Variants in MAN1C1 observed in about 807,000 individuals in gnomAD.
MAN1C1 encodes mannosyl-oligosaccharide 1,2-alpha-mannosidase IC.
A neutral mutation model predicts 71.5 loss-of-function variants in MAN1C1; 49 were observed. That is an observed-to-expected ratio of 0.69 (90% confidence interval 0.54 to 0.87). The LOEUF (loss-of-function observed/expected upper bound fraction) is 0.87. Among genes scored for constraint, MAN1C1 ranks in the 40% least tolerant of loss-of-function variants. The pLI is 0.00. For synonymous variants in MAN1C1, 352 were observed against 343.7 expected (o/e 1.02, Z -0.27); for missense variants, 743 against 835.0 (o/e 0.89, Z 1.36).
intron 2 of MAN1C1, among the ~76,000 whole-genome samples, chr1:25,695,911 G>T (rs1395049984): frequency 3.3e-5 from 5 of 152,206 alleles, no homozygotes; most frequent in African/African-American, 1.2e-4. Flanking sequence ...GTGACTGCTG[G>T]TTGGTTACTA....
chr1:25,689,583 G>A (rs1037507325), intron 2 of MAN1C1, among the ~76,000 whole-genome samples: 1 of 152,202 alleles, frequency 6.6e-6, no homozygotes, highest in Admixed American at 6.5e-5. Context: ...AGGGGTTCTA[G>A]TTGGGGTGAA....
intron 1 of MAN1C1, among the ~76,000 whole-genome samples, chr1:25,632,891 C>T (rs1458768512): frequency 7.4e-5 from 9 of 121,604 alleles, no homozygotes; most frequent in South Asian, 2.6e-4. Context: ...TTTTTTGAGA[C>T]GGAGTCTTGC....
intron 2 of MAN1C1, among the ~76,000 whole-genome samples, chr1:25,743,314 G>A (rs759797585): frequency 1.8e-4 from 27 of 152,328 alleles, no homozygotes; most frequent in Non-Finnish European, 2.9e-4. Context: ...CATGGAGCCC[G>A]CCCCAGCCAC....
At chr1:25,664,448 T>C (rs1297460071) in intron 1 of MAN1C1, among the ~76,000 whole-genome samples, 7 of 152,348 alleles carry the variant, frequency 4.6e-5, no homozygotes, top group Middle Eastern at 3.4e-3. Context: ...TCACTTTCCA[T>C]GTATCCCCAC....
chr1:25,627,251 T>TTTCTCTTCTCTTCTCTTCTC (rs140616480), intron 1 of MAN1C1, among the ~76,000 whole-genome samples: 13 of 151,628 alleles, frequency 8.6e-5, no homozygotes, highest in African/African-American at 2.2e-4. Flanking sequence ...ATTCCATTCT[T>TTTCTCTTCTCTTCTCTTCTC]TTCTCTTCTC....
At chr1:25,677,208 G>A (rs913041028) in intron 1 of MAN1C1, among the ~76,000 whole-genome samples, 2 of 152,220 alleles carry the variant, frequency 1.3e-5, no homozygotes, top group African/African-American at 4.8e-5. Context: ...AGGAAGAACT[G>A]AAGAGATTTC....
At chr1:25,701,351 G>A (rs376895120) in intron 2 of MAN1C1, among the ~76,000 whole-genome samples, 29 of 152,338 alleles carry the variant, frequency 1.9e-4, no homozygotes, top group African/African-American at 5.8e-4. Context: ...GGTGCCCACC[G>A]GCTAGTGCAG....
intron 1 of MAN1C1, among the ~76,000 whole-genome samples, chr1:25,675,742 A>T (rs556931489): frequency 5.5e-4 from 84 of 152,208 alleles, no homozygotes; most frequent in Admixed American, 9.2e-4. Flanking sequence ...CACCACATCC[A>T]TGCCATGGCT....
intron 2 of MAN1C1, among the ~76,000 whole-genome samples, chr1:25,701,985 G>C (rs768667583): frequency 1.1e-4 from 17 of 152,160 alleles, no homozygotes; most frequent in Non-Finnish European, 2.9e-5. Flanking sequence ...GCTTGAACCT[G>C]AGAGGCAGAG....
chr1:25,749,481 G>A, intron 4 of MAN1C1, 146 bp downstream of exon 4: 2 of 596,660 alleles, frequency 3.4e-6, no homozygotes, highest in Non-Finnish European at 5.7e-6. Flanking sequence ...CACCCCTGAG[G>A]GCCTGTTTTC....
intron 2 of MAN1C1, among the ~76,000 whole-genome samples, chr1:25,723,692 G>C (rs1223773128): frequency 1.3e-5 from 2 of 152,198 alleles, no homozygotes; most frequent in Non-Finnish European, 2.9e-5. Context: ...GGTTCCCTGA[G>C]CCTCAACATC....
At position 25,779,565 on chromosome 1, in the gene MAN1C1, G is replaced by T. The variant is rs909788281; in HGVS notation, c.1477+1241G>T. The stretch of plus-strand genomic sequence containing the variant: ...AGGACTAATAAAAGGCTCGCTATTT[G>T]TCTGAGACAATCAGCCCAGACCATA... On this transcript the variant is annotated intron_variant, in intron 9 of 11. Transcript: ENST00000374332. This position sits in a 1 kb window ranked among gnomAD's most constrained non-coding sequence, Gnocchi z 4.6. Among the ~76,000 whole-genome samples the T allele has an allele frequency of 1.3e-5, 2 of 152,222 alleles. No individual in the cohort carries two copies. The highest frequency in any genetic ancestry group is 4.8e-5 in the African/African-American group (2 of 41,456).
chr1:25,682,496 A>G (rs1355739348), intron 1 of MAN1C1, among the ~76,000 whole-genome samples: 2 of 152,142 alleles, frequency 1.3e-5, no homozygotes, highest in Admixed American at 6.5e-5. Flanking sequence ...TGAGTGACAG[A>G]GGTGTGGGGC....
chr1:25,668,558 T>C lies in MAN1C1; in HGVS notation c.541-17882T>C, dbSNP rs957901057. On this transcript the variant is annotated intron_variant, in intron 1 of 11. Transcript: ENST00000374332. Reference sequence around the variant, plus strand: ...TCCAAGCCTTCTACTTTTCTTTCTTTCTTTTTTTTTTTTTTGAGACGGAGT... The same window carrying C: ...TCCAAGCCTTCTACTTTTCTTTCTTCCTTTTTTTTTTTTTTGAGACGGAGT... Among the ~76,000 whole-genome samples, 4 of 142,532 alleles carry C rather than the reference T, an allele frequency of 2.8e-5. No individual in the cohort carries two copies. The East Asian group carries it at 8.5e-4, about 30-fold the overall frequency. The allele number at this position is 142,532 out of a possible 152,430, so 93.5% of individuals were successfully genotyped here.
At chr1:25,718,917 T>C (rs984762264) in intron 2 of MAN1C1, among the ~76,000 whole-genome samples, 3 of 152,084 alleles carry the variant, frequency 2.0e-5, no homozygotes, top group African/African-American at 7.2e-5. Context: ...TATGAACATA[T>C]GTTTTTATTT....
intron 2 of MAN1C1, among the ~76,000 whole-genome samples, chr1:25,733,949 G>A (rs1367278679): frequency 2.6e-5 from 4 of 151,312 alleles, no homozygotes; most frequent in Non-Finnish European, 4.4e-5. Flanking sequence ...ACAGGCGCCC[G>A]CCACCACGCC....
At chr1:25,706,807 A>G (rs2046530121) in intron 2 of MAN1C1, among the ~76,000 whole-genome samples, 2 of 152,094 alleles carry the variant, frequency 1.3e-5, no homozygotes, top group Non-Finnish European at 2.9e-5. Flanking sequence ...TCCTCTCATG[A>G]CCCTACTAGG....
At chr1:25,694,983 A>AT (rs1344304295) in intron 2 of MAN1C1, among the ~76,000 whole-genome samples, 1 of 151,812 alleles carries the variant, frequency 6.6e-6, no homozygotes, top group African/African-American at 2.4e-5. Flanking sequence ...CAAACATTAC[A>AT]TTTTTTTTCT....
intron 2 of MAN1C1, among the ~76,000 whole-genome samples, chr1:25,705,092 C>CTCTTTTT (rs1451966688): frequency 4.0e-4 from 61 of 152,290 alleles, no homozygotes; most frequent in Non-Finnish European, 7.2e-4. Flanking sequence ...CTTAAAATTA[C>CTCTTTTT]TCGATCCGTT....
Sources: gnomAD v4.1 joint callset for allele counts (sites outside exome capture counted in the v4.1 genomes callset) on GRCh38, gnomAD v4.1.1 for gene constraint, Gnocchi (gnomAD v3.1) non-coding constraint, MANE v1.5 for transcripts, NCBI Gene and HGNC (gene_info 2026-07-23, HGNC 2026-07-21) for gene names.